The following BCAS3 variants were observed in gnomAD, a reference collection of about 807,000 sequenced individuals.
BCAS3 encodes the protein BCAS3 microtubule associated cell migration factor.
BCAS3 carries 53 observed loss-of-function variants against 116.1 expected under a neutral mutation model. That is an observed-to-expected ratio of 0.46 (90% CI 0.37 to 0.57). The LOEUF (loss-of-function observed/expected upper bound fraction) is 0.57. Ranked by LOEUF, BCAS3 falls within the 20% of genes least tolerant of loss-of-function variation. BCAS3 has a pLI of 0.00. For synonymous variants in BCAS3, 391 were observed against 408.2 expected, an observed-to-expected ratio of 0.96 and a Z score of 0.51; for missense variants, 917 against 1,165.4, an observed-to-expected ratio of 0.79 and a Z score of 3.10.
chr17:60,793,637 G>A (rs534470512), intron 6 of BCAS3, among the ~76,000 whole-genome samples: 1 of 152,022 alleles, frequency 6.6e-6, no homozygotes. Context: ...CCACATATTA[G>A]TGAGAACATA....
intron 13 of BCAS3, among the ~76,000 whole-genome samples, chr17:60,938,017 C>CT (rs142673156): frequency 0.12 from 17,830 of 149,412 alleles, 3,446 homozygotes; most frequent in African/African-American, 0.41. Flanking sequence ...ATTTCTCACT[C>CT]TTTTTTTTTT....
chr17:61,318,158 G>A (rs980333278), intron 22 of BCAS3, among the ~76,000 whole-genome samples: 8 of 152,306 alleles, frequency 5.3e-5, no homozygotes, highest in East Asian at 1.9e-4. Flanking sequence ...CCTGGGAGGC[G>A]ACTAGAACAC....
At chr17:60,891,806 C>T in intron 10 of BCAS3, 1 of 452,452 alleles carries the variant, frequency 2.2e-6, no homozygotes, top group Middle Eastern at 3.3e-4. Context: ...GCTGCCTCTT[C>T]CCTCCCCCTT....
At chr17:61,319,849 T>C (rs2055047099) in intron 22 of BCAS3, among the ~76,000 whole-genome samples, 1 of 151,674 alleles carries the variant, frequency 6.6e-6, no homozygotes, top group South Asian at 2.1e-4. Flanking sequence ...CATAGAATAG[T>C]CTTTTTTCTT....
chr17:60,726,489 T>A (rs1461690816), intron 5 of BCAS3, among the ~76,000 whole-genome samples: 2 of 149,798 alleles, frequency 1.3e-5, no homozygotes, highest in Non-Finnish European at 3.0e-5. Flanking sequence ...CATGAGCCAC[T>A]GCGCCCAGCC....
intron 22 of BCAS3, among the ~76,000 whole-genome samples, chr17:61,197,990 T>C (rs8076479): frequency 0.037 from 5,701 of 152,264 alleles, 377 homozygotes; most frequent in African/African-American, 0.13. Flanking sequence ...CCCATCTATC[T>C]ATATAGTAAT....
At position 61,037,132 on chromosome 17, in the gene BCAS3, GA is replaced by G. The variant is rs923989179; in HGVS notation, c.1763-749del. ...TAAGTTCTAAATTTAAGTCTTCTGA[GA>G]AAAAAAATAGATGAGACATTAGGCT... On this transcript the variant is annotated intron_variant, in intron 17 of 23. Transcript: ENST00000407086. The surrounding 1 kb of genome is among the most constrained non-coding windows in gnomAD (Gnocchi z 4.7). Among the ~76,000 whole-genome samples the G allele has an allele frequency of 1.3e-5, 2 of 151,756 alleles. No individual in the cohort carries two copies. Among genetic ancestry groups the G allele is most frequent in the Non-Finnish European group, 2.9e-5 (2 of 67,948 alleles).
intron 22 of BCAS3, among the ~76,000 whole-genome samples, chr17:61,123,435 CTG>C (rs1487467015): frequency 6.6e-6 from 1 of 151,984 alleles, no homozygotes; most frequent in Non-Finnish European, 1.5e-5. Context: ...CAGGGAACCC[CTG>C]TGAAGCTAAG....
chr17:61,097,240 G>A lies in BCAS3; in HGVS notation c.2425+12676G>A, dbSNP rs185449464. Among the ~76,000 whole-genome samples the A allele has an allele frequency of 6.4e-3, 974 of 152,078 alleles. 12 individuals are homozygous for A. The highest frequency in any genetic ancestry group is 0.022 in the African/African-American group (900 of 41,494). On this transcript the variant is annotated intron_variant, in intron 22 of 23. Transcript: ENST00000407086. The surrounding 1 kb of genome is among the most constrained non-coding windows in gnomAD (Gnocchi z 4.0). ...GTCACCCAGGCTGGAGTGCAGTGGC[G>A]CAATCTCGGCTCACTGCAAGCTCCA...
chr17:60,876,028 G>T (rs1177560521), intron 9 of BCAS3, among the ~76,000 whole-genome samples: 1 of 151,890 alleles, frequency 6.6e-6, no homozygotes, highest in Non-Finnish European at 1.5e-5. Context: ...TAAGAACTTT[G>T]AAAAATTACC....
At chr17:60,742,634 T>C (rs949681085) in intron 5 of BCAS3, among the ~76,000 whole-genome samples, 1 of 151,644 alleles carries the variant, frequency 6.6e-6, no homozygotes, top group Non-Finnish European at 1.5e-5. Context: ...CTTTTCACCA[T>C]GTTGGCCAGG....
intron 14 of BCAS3, among the ~76,000 whole-genome samples, chr17:60,977,897 A>G (rs1010571285): frequency 1.4e-5 from 2 of 144,086 alleles, no homozygotes; most frequent in South Asian, 4.2e-4. Flanking sequence ...AATCCAGTCT[A>G]TCATTGTTGG....
intron 15 of BCAS3, among the ~76,000 whole-genome samples, chr17:60,999,505 C>A (rs1338304249): frequency 6.7e-6 from 1 of 148,760 alleles, no homozygotes; most frequent in Non-Finnish European, 1.5e-5. Flanking sequence ...TTGCAGTGAG[C>A]CATTGCACTC....
intron 5 of BCAS3, among the ~76,000 whole-genome samples, chr17:60,712,995 G>A (rs558781442): frequency 4.6e-5 from 7 of 152,210 alleles, no homozygotes; most frequent in African/African-American, 1.4e-4. Context: ...GTCATTTCTC[G>A]GTTTTCCATC....
rs772054693 is a variant in BCAS3 at position 61,309,355 on chromosome 17, T to G, written c.2426-58972T>G. On this transcript the variant is annotated intron_variant, in intron 22 of 23. Coordinates refer to ENST00000407086, the MANE Select transcript of BCAS3 (RefSeq NM_017679.5). This position sits in a 1 kb window ranked among gnomAD's most constrained non-coding sequence, Gnocchi z 4.6. ...GGCGGTGTCCATTTTTTGACGGAAC[T>G]GGTATGGGCAGATGAGCATGCCTGA... Among the ~76,000 whole-genome samples the G allele has an allele frequency of 6.6e-6, 1 of 152,024 alleles. No individual in the cohort carries two copies. The highest frequency in any genetic ancestry group is 1.5e-5 in the Non-Finnish European group (1 of 68,006).
At chr17:61,291,400 G>T (rs1486657004) in intron 22 of BCAS3, among the ~76,000 whole-genome samples, 1 of 152,168 alleles carries the variant, frequency 6.6e-6, no homozygotes, top group Non-Finnish European at 1.5e-5. Context: ...GTAGCTCCCG[G>T]ATTATGACTT....
At chr17:60,683,505 C>CTTTT (rs138663451) in intron 2 of BCAS3, among the ~76,000 whole-genome samples, 3 of 44,488 alleles carry the variant, frequency 6.7e-5, no homozygotes, top group Admixed American at 3.4e-4. Context: ...AAGAGTTAGC[C>CTTTT]TTTTTTTTTT....
chr17:60,727,548 G>T, intron 5 of BCAS3: 3 of 1,188,386 alleles, frequency 2.5e-6, no homozygotes, highest in Non-Finnish European at 1.2e-6. Context: ...CTCTCGCCTC[G>T]CAAAGCTCTC....
chr17:61,011,199 G>C (rs2065092185), intron 15 of BCAS3, among the ~76,000 whole-genome samples: 1 of 152,034 alleles, frequency 6.6e-6, no homozygotes, highest in African/African-American at 2.4e-5. Context: ...GTGATACCTT[G>C]TAACTCTCTT....
Sources: allele counts gnomAD v4.1 joint callset (sites outside exome capture counted in the v4.1 genomes callset), GRCh38; gene constraint gnomAD v4.1.1; non-coding constraint Gnocchi (gnomAD v3.1); transcripts MANE v1.5; gene names NCBI Gene and HGNC (gene_info 2026-07-23, HGNC 2026-07-21).